The following HERC4 variants were observed in gnomAD, a reference collection of about 807,000 sequenced individuals.
HERC4 encodes HECT and RLD domain containing E3 ubiquitin protein ligase 4.
Under a neutral mutation model 124.3 loss-of-function variants are expected in HERC4, and 28 were observed. The observed-to-expected ratio is 0.23, with a 90% confidence interval of 0.17 to 0.31. The LOEUF is 0.31. Ranked by LOEUF, HERC4 falls within the 10% of genes least tolerant of loss-of-function variation. The pLI is 1.00. For missense variants in HERC4, 713 were observed against 1,229.3 expected (o/e 0.58, Z 6.28); for synonymous variants, 407 against 421.5 (o/e 0.97, Z 0.42).
intron 3 of HERC4, among the ~76,000 whole-genome samples, chr10:68,059,518 TC>T (rs2040752338): frequency 2.1e-5 from 2 of 96,520 alleles, no homozygotes; most frequent in African/African-American, 8.5e-5. Context: ...ATATTATATA[TC>T]ATAATAATAT....
At chr10:68,004,521 C>T (rs1428458375) in intron 9 of HERC4, among the ~76,000 whole-genome samples, 2 of 152,070 alleles carry the variant, frequency 1.3e-5, no homozygotes, top group Non-Finnish European at 1.5e-5. Flanking sequence ...AGTTTCAGGT[C>T]TTAGATTTAA....
Position 67,990,285 on chromosome 10 carries a change from T to C in HERC4, c.1559A>G (p.Asn520Ser), listed in dbSNP as rs1301614959. 6.8e-6 allele frequency: 11 copies of C among 1,612,942 alleles called. No individual in the cohort carries two copies. Among genetic ancestry groups the C allele is most frequent in the African/African-American group, 1.3e-5 (1 of 74,884 alleles). The change falls in exon 14 of 25, where the codon AAC becomes AGC. Residue 520 changes from asparagine to serine, a missense_variant. Physicochemically the swap from Asn to Ser is conservative, Grantham distance 46. Transcript: ENST00000373700. ...GGGAATTGCTATTGTTGTGAAATTG[T>C]TGGAATCACTCATCAGGGGACATTC... is the stretch of plus-strand genomic sequence containing the variant. ...LPECPLMSDS[N>S]NFTTIAIPFG...
chr10:68,010,637 A>G, intron 9 of HERC4: 2 of 1,436,744 alleles, frequency 1.4e-6, no homozygotes, highest in Non-Finnish European at 1.9e-6. Context: ...GAATATTTTC[A>G]TTGTTGTCGG....
Position 68,044,501 on chromosome 10 carries a change from A to C in HERC4, c.289T>G (p.Leu97Val), listed in dbSNP as rs1196947269. The C allele has an allele frequency of 1.2e-6, 2 of 1,614,002 alleles. No individual in the cohort carries two copies. Among genetic ancestry groups the C allele is most frequent in the Non-Finnish European group, 1.7e-6 (2 of 1,180,016 alleles). ...ACCTGGCCTTTGTCATTTAGCGCTA[A>C]CGTATGAGCTTCTCCACATGAAACA... ...VAVSCGEAHTLALNDKGQVYA... is the reference protein window; with the variant it reads ...VAVSCGEAHTVALNDKGQVYA... Residue 97 changes from leucine to valine, a missense_variant, in exon 4 of 25, where the codon TTA becomes GTA. By Grantham distance (32) the Leu-to-Val change is conservative. Transcript: ENST00000373700.
At chr10:67,983,723 CT>C (rs2036077337) in intron 15 of HERC4, among the ~76,000 whole-genome samples, 1 of 145,120 alleles carries the variant, frequency 6.9e-6, no homozygotes, top group African/African-American at 2.6e-5. Flanking sequence ...GGAGGCGGAG[CT>C]TGCAGTGAGC....
chr10:68,069,886 T>C (rs10997925), intron 3 of HERC4: 32,538 of 434,004 alleles, frequency 0.075, 1,837 homozygotes, highest in East Asian at 0.41. Flanking sequence ...ACTAAAAATA[T>C]AAAAAATTAC....
chr10:67,932,656 T>C lies in HERC4; in HGVS notation c.2779A>G (p.Asn927Asp). Residue 927 changes from asparagine to aspartate, a missense_variant, in exon 23 of 25, where the codon AAT becomes GAT. Physicochemically the swap from Asn to Asp is conservative, Grantham distance 23 (BLOSUM62 1). Coordinates refer to ENST00000373700, the MANE Select transcript of HERC4 (RefSeq NM_015601.4). ...GGKVLLLFQP[N>D]ELQAMVIGNT... ...CCAATGACCATTGCTTGTAGTTCAT[T>C]AGGCTGAAAGAGCAGAAGGACTTTT... 2 of 1,610,742 alleles carry C rather than the reference T, an allele frequency of 1.2e-6. No individual in the cohort carries two copies. Among genetic ancestry groups the C allele is most frequent in the Non-Finnish European group, 1.7e-6 (2 of 1,179,216 alleles).
intron 19 of HERC4, among the ~76,000 whole-genome samples, chr10:67,945,818 AC>A (rs1418039741): frequency 1.3e-5 from 2 of 152,028 alleles, no homozygotes; most frequent in African/African-American, 4.8e-5. Context: ...AAATCAAAAA[AC>A]ATACGACAGA....
At chr10:68,054,736 T>C (rs1164367645) in intron 3 of HERC4, among the ~76,000 whole-genome samples, 1 of 152,124 alleles carries the variant, frequency 6.6e-6, no homozygotes, top group Non-Finnish European at 1.5e-5. Flanking sequence ...AATATAACTT[T>C]AATATTTAAT....
At chr10:68,003,400 C>A (rs1009523588) in intron 9 of HERC4, among the ~76,000 whole-genome samples, 1 of 149,100 alleles carries the variant, frequency 6.7e-6, no homozygotes, top group Non-Finnish European at 1.5e-5. Flanking sequence ...GTCTTGATCT[C>A]CTGACCTCAT....
intron 16 of HERC4, chr10:67,959,262 T>C: frequency 1.5e-6 from 1 of 686,036 alleles, no homozygotes. Context: ...AGTAATGAGG[T>C]AGAAAATACA....
chr10:68,038,997 T>G (rs969398459), intron 4 of HERC4, among the ~76,000 whole-genome samples: 3 of 151,768 alleles, frequency 2.0e-5, no homozygotes, highest in Non-Finnish European at 4.4e-5. Context: ...ATGAATGTTT[T>G]CAAGAAAAAA....
intron 7 of HERC4, among the ~76,000 whole-genome samples, chr10:68,031,684 A>G (rs2039211941): frequency 6.6e-6 from 1 of 152,214 alleles, no homozygotes; most frequent in South Asian, 2.1e-4. Flanking sequence ...ATAACGAAGA[A>G]TAATTATTGT....
At chr10:68,006,561 A>C (rs1373331056) in intron 9 of HERC4, among the ~76,000 whole-genome samples, 1 of 151,720 alleles carries the variant, frequency 6.6e-6, no homozygotes, top group Non-Finnish European at 1.5e-5. Flanking sequence ...TATTTTTAGT[A>C]GAGATGGGGT....
intron 3 of HERC4, among the ~76,000 whole-genome samples, chr10:68,055,345 T>A (rs1211854733): frequency 6.6e-6 from 1 of 152,202 alleles, no homozygotes; most frequent in Non-Finnish European, 1.5e-5. Flanking sequence ...GTGGGTTCCC[T>A]GATAAAATCT....
chr10:68,054,653 TTC>T (rs2040468166), intron 3 of HERC4, among the ~76,000 whole-genome samples: 1 of 152,172 alleles, frequency 6.6e-6, no homozygotes, highest in African/African-American at 2.4e-5. Context: ...CATTTTATGA[TTC>T]TGACTTTTTA....
chr10:68,038,340 A>G (rs2133419104), intron 4 of HERC4, 171 bp from the exon 5 acceptor site: 1 of 435,162 alleles, frequency 2.3e-6, no homozygotes, highest in Non-Finnish European at 4.0e-6. Flanking sequence ...ATCAGTAAAC[A>G]AGAGCTAGAT....
At chr10:68,039,407 G>A in intron 4 of HERC4, 1 of 1,549,148 alleles carries the variant, frequency 6.5e-7, no homozygotes, top group Non-Finnish European at 8.7e-7. Context: ...ACCTGATACT[G>A]TCACCTGACC....
chr10:68,057,918 C>T (rs1387733907), intron 3 of HERC4, among the ~76,000 whole-genome samples: 1 of 152,020 alleles, frequency 6.6e-6, no homozygotes, highest in East Asian at 1.9e-4. Flanking sequence ...CCAGGCTGGT[C>T]TTGAATTCCT....
Sources: allele counts gnomAD v4.1 joint callset (sites outside exome capture counted in the v4.1 genomes callset), GRCh38; gene constraint gnomAD v4.1.1; transcripts MANE v1.5; gene names NCBI Gene and HGNC (gene_info 2026-07-23, HGNC 2026-07-21).